OR3A2: variants seen among roughly 807,000 people sequenced by gnomAD.
OR3A2 encodes olfactory receptor 3A2.
For synonymous variants in OR3A2, 126 were observed against 159.3 expected (o/e 0.79, Z 1.57); for missense variants, 318 against 392.8 (o/e 0.81, Z 1.61).
chr17:3,337,361 G>C (rs1247123165), intron 2 of OR3A2, among the ~76,000 whole-genome samples: 1 of 152,064 alleles, frequency 6.6e-6, no homozygotes, highest in Non-Finnish European at 1.5e-5. Context: ...TGCCATGTTG[G>C]TTTGCTGCAC....
At chr17:3,290,462 C>G (rs1186416332) in intron 3 of OR3A2, among the ~76,000 whole-genome samples, 2 of 152,178 alleles carry the variant, frequency 1.3e-5, no homozygotes, top group Admixed American at 1.3e-4. Flanking sequence ...TGTTTTGCTT[C>G]CCTCTTTTGT....
In OR3A2 at chr17:3,306,483, C is replaced by G. The variant is rs141824842; in HGVS notation, c.-84-27330G>C. Among the ~76,000 whole-genome samples, 140 of 152,118 alleles carry G rather than the reference C, an allele frequency of 9.2e-4. 1 individual carries two copies. Among genetic ancestry groups the G allele is most frequent in the African/African-American group, 3.1e-3 (130 of 41,486 alleles). The stretch of plus-strand genomic sequence containing the variant: ...AGGTTACTTCCTCATCCAGGAGGCA[C>G]CAGATGTAATGCAGTTACCTAGATG... On this transcript the variant is annotated intron_variant, in intron 3 of 4. Coordinates refer to the OR3A2 transcript ENST00000573491.
chr17:3,332,694 G>A (rs1234373378), intron 3 of OR3A2, among the ~76,000 whole-genome samples: 1 of 152,240 alleles, frequency 6.6e-6, no homozygotes, highest in African/African-American at 2.4e-5. Flanking sequence ...GTAGACCAGA[G>A]CTGTTCCTAT....
chr17:3,360,875 G>C (rs561349781), intron 2 of OR3A2, among the ~76,000 whole-genome samples: 8 of 151,640 alleles, frequency 5.3e-5, no homozygotes, highest in South Asian at 2.1e-4. Context: ...TTGTTCTTTT[G>C]GGTTAGGATT....
At chr17:3,310,063 T>C (rs2049028656) in intron 3 of OR3A2, 1 of 254,120 alleles carries the variant, frequency 3.9e-6, no homozygotes, top group African/African-American at 2.2e-5. Flanking sequence ...CATCAATTCA[T>C]GGATCTCTGT....
At chr17:3,328,166 A>T (rs1193541981) in intron 3 of OR3A2, among the ~76,000 whole-genome samples, 1 of 136,880 alleles carries the variant, frequency 7.3e-6, no homozygotes, top group African/African-American at 3.0e-5. Context: ...CATTTTCACG[A>T]TATTGATTCT....
At chr17:3,283,281 A>G (rs2048788284) in intron 1 of OR3A2, among the ~76,000 whole-genome samples, 1 of 152,134 alleles carries the variant, frequency 6.6e-6, no homozygotes, top group South Asian at 2.1e-4. Flanking sequence ...GCTGGAGTAC[A>G]ATGGCATGAC....
At chr17:3,371,673 G>T (rs1371152227) in intron 2 of OR3A2, among the ~76,000 whole-genome samples, 3 of 139,576 alleles carry the variant, frequency 2.1e-5, no homozygotes. Context: ...CCTCCCGGAC[G>T]GGGCGGCTGG....
At chr17:3,336,559 T>C (rs1432077417) in intron 2 of OR3A2, among the ~76,000 whole-genome samples, 1 of 152,218 alleles carries the variant, frequency 6.6e-6, no homozygotes, top group East Asian at 1.9e-4. Context: ...ACTAAATCCA[T>C]TAATGGTAGC....
chr17:3,316,049 C>A (rs2049080522), intron 3 of OR3A2, among the ~76,000 whole-genome samples: 1 of 152,158 alleles, frequency 6.6e-6, no homozygotes. Context: ...TCACCCTCCA[C>A]TCCACACCAA....
chr17:3,380,482 C>G (rs1415796512), intron 2 of OR3A2, among the ~76,000 whole-genome samples: 2 of 152,120 alleles, frequency 1.3e-5, no homozygotes, highest in African/African-American at 4.8e-5. Context: ...CTGCCTGATA[C>G]CAGGATAGAA....
chr17:3,366,731 G>A (rs1199052518), intron 2 of OR3A2, among the ~76,000 whole-genome samples: 1 of 152,156 alleles, frequency 6.6e-6, no homozygotes, highest in Non-Finnish European at 1.5e-5. Flanking sequence ...AATGTAATCT[G>A]GTCAGTGTTC....
At chr17:3,312,121 G>A (rs958846362) in intron 3 of OR3A2, among the ~76,000 whole-genome samples, 4 of 152,146 alleles carry the variant, frequency 2.6e-5, no homozygotes, top group Non-Finnish European at 5.9e-5. Context: ...GCTTAGGTGA[G>A]AGAGTATCTA....
At chr17:3,347,399 C>T (rs529274391) in intron 2 of OR3A2, among the ~76,000 whole-genome samples, 2 of 152,262 alleles carry the variant, frequency 1.3e-5, no homozygotes, top group Admixed American at 6.5e-5. Flanking sequence ...CCCCTCTCCC[C>T]CGGCCCCACA....
chr17:3,283,730 TC>T (rs1164999030), intron 1 of OR3A2, among the ~76,000 whole-genome samples: 1 of 152,002 alleles, frequency 6.6e-6, no homozygotes, highest in African/African-American at 2.4e-5. Flanking sequence ...CATGGACCAG[TC>T]CACATCTTCT....
intron 2 of OR3A2, among the ~76,000 whole-genome samples, chr17:3,358,087 A>G (rs954573566): frequency 6.6e-6 from 1 of 151,566 alleles, no homozygotes; most frequent in South Asian, 2.1e-4. Flanking sequence ...TGGCAGGCTC[A>G]TTGGCCTAGG....
intron 3 of OR3A2, among the ~76,000 whole-genome samples, chr17:3,294,453 G>A (rs78845888): frequency 0.014 from 2,141 of 152,144 alleles, 34 homozygotes; most frequent in African/African-American, 0.048. Context: ...AAAGACAAAG[G>A]AGATCCAATC....
At chr17:3,309,615 C>T (rs550595137) in intron 3 of OR3A2, among the ~76,000 whole-genome samples, 9 of 152,210 alleles carry the variant, frequency 5.9e-5, no homozygotes, top group African/African-American at 9.6e-5. Flanking sequence ...AGACTCTATA[C>T]GGAGAAATGC....
At chr17:3,295,354 G>C (rs568109499) in intron 3 of OR3A2, among the ~76,000 whole-genome samples, 5 of 151,896 alleles carry the variant, frequency 3.3e-5, no homozygotes, top group African/African-American at 4.8e-5. Context: ...AAAGAAACAG[G>C]AATATACTAA....
Sources: gnomAD v4.1 joint callset for allele counts (sites outside exome capture counted in the v4.1 genomes callset) on GRCh38, gnomAD v4.1.1 for gene constraint, MANE v1.5 for transcripts, NCBI Gene and HGNC (gene_info 2026-07-23, HGNC 2026-07-21) for gene names.